SERPINB8: variants seen among roughly 807,000 people sequenced by gnomAD.
SERPINB8 encodes the protein serpin family B member 8, also known as serpin B8.
A neutral mutation model predicts 35.3 loss-of-function variants in SERPINB8; 25 were observed. That is an observed-to-expected ratio of 0.71 (90% confidence interval 0.52 to 0.99). The LOEUF is 0.99. Ranked by LOEUF, SERPINB8 falls within the 50% of genes least tolerant of loss-of-function variation. SERPINB8 has a pLI of 0.00. For synonymous variants in SERPINB8, 186 were observed against 160.8 expected (o/e 1.16, Z -1.19); for missense variants, 484 against 446.5 (o/e 1.08, Z -0.76).
chr18:63,985,299 C>T, intron 6 of SERPINB8, 54 bp downstream of exon 6: 6 of 1,586,726 alleles, frequency 3.8e-6, no homozygotes, highest in Non-Finnish European at 5.2e-6. Flanking sequence ...GAGCTCATTT[C>T]TTTATGTTCA....
intron 7 of SERPINB8, among the ~76,000 whole-genome samples, chr18:64,014,427 G>A (rs1275978423): frequency 6.6e-6 from 1 of 152,122 alleles, no homozygotes; most frequent in African/African-American, 2.4e-5. Context: ...TTTCACAAAG[G>A]TAGCCTCATA....
At chr18:63,986,389 T>C in intron 6 of SERPINB8, 6 of 1,553,010 alleles carry the variant, frequency 3.9e-6, no homozygotes, top group Non-Finnish European at 5.2e-6. Flanking sequence ...CCCTTCATCT[T>C]CAGATGAAAC....
Position 63,985,186 on chromosome 18 carries a change from G to A in SERPINB8, c.661G>A (p.Val221Met), listed in dbSNP as rs1174549876. The stretch of plus-strand genomic sequence containing the variant: ...CACCCAGGTCCTGGAGCTGCCCTAT[G>A]TGGAAGAGGAGCTGAGCATGGTCAT... ...VHTQVLELPY[V>M]EEELSMVILL... Residue 221 changes from valine (V) to methionine (M), a missense_variant, in exon 6 of 7, where the codon GTG becomes ATG. Physicochemically the swap from Val to Met is conservative, Grantham distance 21 (BLOSUM62 1). Transcript: ENST00000397985. The A allele has an allele frequency of 6.2e-7, 1 of 1,614,208 alleles. No individual in the cohort carries two copies.
downstream of SERPINB8, among the ~76,000 whole-genome samples, chr18:63,993,883 C>T (rs79977781): frequency 2.7e-3 from 410 of 152,250 alleles, 2 homozygotes; most frequent in African/African-American, 9.3e-3. Context: ...CTCTACATTC[C>T]GAGCTCAGAC....
At chr18:63,971,075 C>G (rs929688463) in intron 1 of SERPINB8, among the ~76,000 whole-genome samples, 1 of 152,178 alleles carries the variant, frequency 6.6e-6, no homozygotes, top group Non-Finnish European at 1.5e-5. Flanking sequence ...TAGACCGCGC[C>G]CTCTTCCCTG....
chr18:63,978,253 G>A (rs747145734), intron 1 of SERPINB8, 46 bp from the exon 2 acceptor site: 35 of 1,603,450 alleles, frequency 2.2e-5, no homozygotes, highest in Non-Finnish European at 2.7e-5. Flanking sequence ...CGTGGCTACC[G>A]GAGTCATTGG....
chr18:63,981,679 C>T (rs1248895302), intron 3 of SERPINB8, 42 bp from the exon 4 acceptor site: 46 of 1,369,500 alleles, frequency 3.4e-5, no homozygotes, highest in Non-Finnish European at 4.4e-5. Flanking sequence ...TTTGTGGGAA[C>T]CTTTACCAAA....
At chr18:64,007,545 C>T (rs1210582148), downstream of SERPINB8, among the ~76,000 whole-genome samples, 1 of 152,152 alleles carries the variant, frequency 6.6e-6, no homozygotes, top group Admixed American at 6.5e-5. Context: ...ATACCTGAGA[C>T]TGGCAATTTA....
intron 7 of SERPINB8, among the ~76,000 whole-genome samples, chr18:64,011,360 G>T (rs1445280003): frequency 6.6e-6 from 1 of 152,086 alleles, no homozygotes; most frequent in Non-Finnish European, 1.5e-5. Flanking sequence ...CTGTCATTTG[G>T]TATAGAAAAG....
intron 7 of SERPINB8, among the ~76,000 whole-genome samples, chr18:64,017,754 G>A (rs1317411749): frequency 6.6e-6 from 1 of 152,188 alleles, no homozygotes; most frequent in Non-Finnish European, 1.5e-5. Context: ...AGCCTCTGCA[G>A]AGTGCTGAAT....
rs2050672475 is a variant in SERPINB8, at chr18:63,981,633, T to C, written c.307-88T>C. The C allele has an allele frequency of 3.4e-6, 3 of 877,300 alleles. No homozygotes were observed. The Admixed American group carries it at 6.1e-5, about 18-fold the overall frequency. 54.3% of individuals were successfully genotyped at this position (877,300 alleles called of 1,614,324 possible). A position where few individuals can be genotyped will look rare whatever the true frequency, so the allele number is the denominator to read the frequency against. Reference sequence around the variant, plus strand: ...GTGTGACCTGTCCAAGCACTTATTGTAGAAATGCAGTAAGAGAAAACAAAA... The same window carrying C: ...GTGTGACCTGTCCAAGCACTTATTGCAGAAATGCAGTAAGAGAAAACAAAA... On this transcript the variant is annotated intron_variant, in intron 3 of 6. Transcript: ENST00000397985.
At chr18:64,015,936 C>G (rs1333889198) in intron 7 of SERPINB8, among the ~76,000 whole-genome samples, 2 of 152,206 alleles carry the variant, frequency 1.3e-5, no homozygotes, top group Admixed American at 6.5e-5. Context: ...GAGTGACATT[C>G]AATTAGAGAA....
At chr18:64,013,382 C>A (rs993658011) in intron 7 of SERPINB8, among the ~76,000 whole-genome samples, 2 of 152,198 alleles carry the variant, frequency 1.3e-5, no homozygotes, top group Non-Finnish European at 1.5e-5. Context: ...TATCTCCAAA[C>A]CTTCCAGCTA....
At chr18:63,981,646 A>G in intron 3 of SERPINB8, 75 bp from the exon 4 acceptor site, 1 of 993,190 alleles carries the variant, frequency 1.0e-6, no homozygotes, top group East Asian at 2.4e-5. Flanking sequence ...AAATGCAGTA[A>G]GAGAAAACAA....
intron 1 of SERPINB8, 112 bp from the exon 2 acceptor site, chr18:63,978,186 GA>G: frequency 2.8e-6 from 3 of 1,064,406 alleles, no homozygotes; most frequent in Non-Finnish European, 2.8e-6. Context: ...GAAGTCTTTG[GA>G]GGGTGGTTCT....
chr18:63,994,623 T>G (rs2050840027), intron 1 of SERPINB8, among the ~76,000 whole-genome samples: 1 of 152,110 alleles, frequency 6.6e-6, no homozygotes, highest in South Asian at 2.1e-4. Context: ...TGGGTACTAC[T>G]TGGGCTCCGA....
intron 1 of SERPINB8, 106 bp from the exon 2 acceptor site, chr18:63,978,193 G>C: frequency 8.3e-7 from 1 of 1,208,366 alleles, no homozygotes; most frequent in Non-Finnish European, 1.2e-6. Flanking sequence ...TTGGAGGGTG[G>C]TTCTTCCACC....
At chr18:64,015,969 G>T (rs2050948015) in intron 7 of SERPINB8, among the ~76,000 whole-genome samples, 1 of 152,244 alleles carries the variant, frequency 6.6e-6, no homozygotes, top group Non-Finnish European at 1.5e-5. Context: ...GGAAACGCCT[G>T]CCACAGGGCT....
rs535862230 is a variant in SERPINB8, at chr18:64,018,126, C to G, written c.*3-784C>G. ...CTCATATATTCTAGACAAATGACAA[C>G]TTTTTTATTTTAAAGAAGTACTTTC... On this transcript the variant is annotated intron_variant, in intron 7 of 7. Coordinates refer to the SERPINB8 transcript ENST00000636430. Among the ~76,000 whole-genome samples the G allele has an allele frequency of 5.9e-5, 9 of 152,230 alleles. No homozygotes were observed. In the South Asian group the frequency reaches 1.9e-3, roughly 32 times the overall value.
Sources: gnomAD v4.1 joint callset for allele counts (sites outside exome capture counted in the v4.1 genomes callset) on GRCh38, gnomAD v4.1.1 for gene constraint, MANE v1.5 for transcripts, NCBI Gene and HGNC (gene_info 2026-07-23, HGNC 2026-07-21) for gene names.